THSD7B: variants seen among roughly 807,000 people sequenced by gnomAD.
THSD7B encodes thrombospondin type 1 domain containing 7B, also known as thrombospondin type-1 domain-containing protein 7B.
THSD7B carries 138 observed loss-of-function variants against 213.6 expected under a neutral mutation model. That is an observed-to-expected ratio of 0.65 (90% CI 0.56 to 0.74). The LOEUF (loss-of-function observed/expected upper bound fraction) is 0.74, where lower values mean the gene tolerates loss of function less well. Among genes scored for constraint, THSD7B ranks in the 30% least tolerant of loss-of-function variants. The pLI is 0.00. For missense variants in THSD7B, 1,931 were observed against 1,991.5 expected (o/e 0.97, Z 0.58); for synonymous variants, 742 against 687.0 (o/e 1.08, Z -1.25).
intron 17 of THSD7B, among the ~76,000 whole-genome samples, chr2:137,603,892 C>T (rs1682121191): frequency 6.6e-6 from 1 of 152,080 alleles, no homozygotes; most frequent in African/African-American, 2.4e-5. Context: ...GGATGGATCA[C>T]CTGAGGTCAG....
At chr2:137,367,169 A>G (rs1316210174) in intron 12 of THSD7B, among the ~76,000 whole-genome samples, 1 of 152,144 alleles carries the variant, frequency 6.6e-6, no homozygotes, top group Non-Finnish European at 1.5e-5. Context: ...CCAATGCAGT[A>G]GCTAACTACC....
At position 136,901,002 on chromosome 2, in the gene THSD7B, G is replaced by A. The variant is rs548445562; in HGVS notation, c.139+18685G>A. ...TATGAGTAGAAGATTAGAAAAAAGT[G>A]TGATACTTGGAAAACTATCTTCATA... On this transcript the variant is annotated intron_variant, in intron 2 of 27. Transcript: ENST00000409968. Among the ~76,000 whole-genome samples the A allele has an allele frequency of 5.3e-5, 8 of 152,232 alleles. No individual in the cohort carries two copies. The South Asian group carries it at 1.7e-3, about 32-fold the overall frequency.
At chr2:136,889,591 T>G (rs1225571015) in intron 2 of THSD7B, among the ~76,000 whole-genome samples, 2 of 152,268 alleles carry the variant, frequency 1.3e-5, no homozygotes, top group Non-Finnish European at 2.9e-5. Context: ...CTTTTTCTTT[T>G]ACATGGAAAT....
At chr2:136,825,742 G>T (rs1682638077) in intron 1 of THSD7B, among the ~76,000 whole-genome samples, 1 of 67,064 alleles carries the variant, frequency 1.5e-5, no homozygotes, top group African/African-American at 6.3e-5. Flanking sequence ...TTTAGATCTG[G>T]GGTTTCACCA....
chr2:137,248,522 T>C (rs1268774207), intron 10 of THSD7B, among the ~76,000 whole-genome samples: 1 of 152,200 alleles, frequency 6.6e-6, no homozygotes, highest in East Asian at 1.9e-4. Context: ...ATTCCACAGA[T>C]CCAGGTCAAT....
intron 12 of THSD7B, among the ~76,000 whole-genome samples, chr2:137,307,012 C>G (rs1299414648): frequency 6.6e-6 from 1 of 152,060 alleles, no homozygotes; most frequent in Non-Finnish European, 1.5e-5. Context: ...TCATCTTGAC[C>G]TTTGTCTAAT....
At chr2:137,333,175 G>C (rs78876124) in intron 12 of THSD7B, among the ~76,000 whole-genome samples, 2 of 152,052 alleles carry the variant, frequency 1.3e-5, no homozygotes, top group East Asian at 3.9e-4. Context: ...ACTAATCCTG[G>C]ACGTCTAACC....
At chr2:137,350,422 T>C (rs1684986576) in intron 12 of THSD7B, among the ~76,000 whole-genome samples, 2 of 151,782 alleles carry the variant, frequency 1.3e-5, no homozygotes, top group South Asian at 4.1e-4. Context: ...ATAATCGAAA[T>C]AGAACCGTTG....
intron 4 of THSD7B, among the ~76,000 whole-genome samples, chr2:137,114,495 T>C (rs1313868657): frequency 6.6e-6 from 1 of 152,226 alleles, no homozygotes; most frequent in East Asian, 1.9e-4. Flanking sequence ...GACATATTTC[T>C]ATATCAGTTT....
chr2:137,214,227 T>C (rs985452563), intron 7 of THSD7B, among the ~76,000 whole-genome samples: 6 of 152,158 alleles, frequency 3.9e-5, no homozygotes, highest in African/African-American at 1.4e-4. Flanking sequence ...ACCATGCCTA[T>C]TTATGTACTT....
chr2:137,122,314 G>A (rs1002563086), intron 5 of THSD7B, among the ~76,000 whole-genome samples: 4 of 152,230 alleles, frequency 2.6e-5, no homozygotes, highest in Non-Finnish European at 5.9e-5. Context: ...AACCTTAAGA[G>A]AAAATAGGAA....
chr2:137,068,646 C>T (rs111893390), intron 3 of THSD7B, among the ~76,000 whole-genome samples: 7 of 152,160 alleles, frequency 4.6e-5, no homozygotes, highest in African/African-American at 1.4e-4. Context: ...CCTGTGTATA[C>T]TTATTGACTT....
chr2:136,888,949 GTGTGTGTGTGTGTGTGTGTGCT>G (rs1387519523), intron 2 of THSD7B, among the ~76,000 whole-genome samples: 1 of 147,938 alleles, frequency 6.8e-6, no homozygotes, highest in Non-Finnish European at 1.5e-5. Context: ...TTTGGGGTGT[GTGTGTGTGTGTGTGTGTGTGCT>G]TGTGTGTGTG....
chr2:136,847,854 T>G (rs1049666054), intron 1 of THSD7B, among the ~76,000 whole-genome samples: 3 of 152,212 alleles, frequency 2.0e-5, no homozygotes, highest in Non-Finnish European at 4.4e-5. Flanking sequence ...TGAATGAATA[T>G]ATCAGAAGCA....
In THSD7B at chr2:137,605,648, C is replaced by CTTTTTTTTTTTTTTT. The variant is rs34604281; in HGVS notation, c.3424-10502_3424-10488dup. ...AAAAAGCATATATTGGCACTTCGCA[C>CTTTTTTTTTTTTTTT]TTTTTTTTTTTTTTTTTTTTTTTTT... On this transcript the variant is annotated intron_variant, in intron 17 of 27. Transcript: ENST00000409968. 1.0e-4 allele frequency among the ~76,000 whole-genome samples: 7 copies of CTTTTTTTTTTTTTTT among 69,020 alleles called. 1 individual carries two copies. The highest frequency in any genetic ancestry group is 3.4e-4 in the African/African-American group (6 of 17,594). 45.3% of individuals were successfully genotyped at this position (69,020 alleles called of 152,430 possible).
Position 137,395,088 on chromosome 2 carries a change from T to G in THSD7B, c.2501-10525T>G, listed in dbSNP as rs548819030. On this transcript the variant is annotated intron_variant, in intron 12 of 27. Coordinates refer to ENST00000409968, the MANE Select transcript of THSD7B (RefSeq NM_001316349.2). Reference sequence around the variant, plus strand: ...CTGAGACAATGGGGTTTTCTAGATATAAAATCATGTCATCTGCAAACAGGG... The same window carrying G: ...CTGAGACAATGGGGTTTTCTAGATAGAAAATCATGTCATCTGCAAACAGGG... Among the ~76,000 whole-genome samples, 5 of 142,134 alleles carry G rather than the reference T, an allele frequency of 3.5e-5. No homozygotes were observed. The East Asian group carries it at 9.9e-4, about 28-fold the overall frequency. 93.2% of individuals were successfully genotyped at this position (142,134 alleles called of 152,430 possible).
chr2:137,396,728 T>C (rs1213847756), intron 12 of THSD7B, among the ~76,000 whole-genome samples: 1 of 146,534 alleles, frequency 6.8e-6, no homozygotes, highest in African/African-American at 2.5e-5. Context: ...TTGTTGACTT[T>C]CTGTCTCGTT....
chr2:137,586,580 T>C (rs537160568), intron 17 of THSD7B, among the ~76,000 whole-genome samples: 9 of 152,278 alleles, frequency 5.9e-5, no homozygotes, highest in East Asian at 1.9e-4. Flanking sequence ...GATTTTATTT[T>C]TCCTTCACTT....
intron 5 of THSD7B, among the ~76,000 whole-genome samples, chr2:137,132,287 C>T (rs1406200272): frequency 6.6e-6 from 1 of 151,148 alleles, no homozygotes; most frequent in African/African-American, 2.4e-5. Flanking sequence ...TAGGCTGAGA[C>T]AATGGGGTTT....
Sources: gnomAD v4.1 joint callset for allele counts (sites outside exome capture counted in the v4.1 genomes callset) on GRCh38, gnomAD v4.1.1 for gene constraint, MANE v1.5 for transcripts, NCBI Gene and HGNC (gene_info 2026-07-23, HGNC 2026-07-21) for gene names.